ATXN10: variants seen among roughly 807,000 people sequenced by gnomAD.
ATXN10 encodes the protein ataxin-10.
ATXN10 carries 28 observed loss-of-function variants against 52.9 expected under a neutral mutation model. That is an observed-to-expected ratio of 0.53 (90% confidence interval 0.39 to 0.73). ATXN10 has a LOEUF of 0.73. Ranked by LOEUF, ATXN10 falls within the 30% of genes least tolerant of loss-of-function variation. The pLI, the probability that ATXN10 is intolerant of heterozygous loss-of-function variation, is 0.00. For missense variants in ATXN10, 565 were observed against 577.0 expected, an observed-to-expected ratio of 0.98 and a Z score of 0.21; for synonymous variants, 226 against 221.5, an observed-to-expected ratio of 1.02 and a Z score of -0.18.
chr22:45,830,873 A>G (rs1261552844), intron 10 of ATXN10, among the ~76,000 whole-genome samples: 1 of 152,216 alleles, frequency 6.6e-6, no homozygotes, highest in Non-Finnish European at 1.5e-5. Flanking sequence ...TATATACCCG[A>G]AAGAATTGAG....
intron 9 of ATXN10, among the ~76,000 whole-genome samples, chr22:45,746,127 A>G (rs1364041994): frequency 2.0e-5 from 3 of 151,990 alleles, no homozygotes; most frequent in Admixed American, 2.0e-4. Flanking sequence ...TTTAAATCCT[A>G]GGTTTAGGCT....
intron 4 of ATXN10, among the ~76,000 whole-genome samples, chr22:45,700,916 A>C (rs1923817921): frequency 6.6e-6 from 1 of 152,182 alleles, no homozygotes; most frequent in Non-Finnish European, 1.5e-5. Flanking sequence ...TCAGTGTAAG[A>C]TGTGGGTAAC....
intron 10 of ATXN10, among the ~76,000 whole-genome samples, chr22:45,836,859 T>C (rs1929183724): frequency 6.6e-6 from 1 of 152,200 alleles, no homozygotes; most frequent in African/African-American, 2.4e-5. Context: ...TGAAGCATCT[T>C]CATCTAGGAA....
At chr22:45,813,962 G>A (rs1420916090) in intron 10 of ATXN10, among the ~76,000 whole-genome samples, 1 of 152,206 alleles carries the variant, frequency 6.6e-6, no homozygotes, top group Non-Finnish European at 1.5e-5. Flanking sequence ...ACTGAGAAAA[G>A]GATGGTTTTT....
rs1032315134 is a variant in ATXN10 at position 45,818,581 on chromosome 22, C to T, written c.1237+11559C>T. 2.0e-4 allele frequency among the ~76,000 whole-genome samples: 30 copies of T among 152,138 alleles called. No individual in the cohort carries two copies. Among genetic ancestry groups the T allele is most frequent in the Non-Finnish European group, 3.8e-4 (26 of 68,020 alleles). Reference sequence around the variant, plus strand: ...TTTTTGGTTTGAAGGTGACCACCCTCGCTTTCAGCGGACCGGGGCAGGGAT... The same window carrying T: ...TTTTTGGTTTGAAGGTGACCACCCTTGCTTTCAGCGGACCGGGGCAGGGAT... On this transcript the variant is annotated intron_variant, in intron 10 of 11. Transcript: ENST00000252934. This position sits in a 1 kb window ranked among gnomAD's most constrained non-coding sequence, Gnocchi z 4.6.
intron 7 of ATXN10, among the ~76,000 whole-genome samples, chr22:45,731,217 A>C (rs1193615197): frequency 1.3e-5 from 2 of 152,216 alleles, no homozygotes; most frequent in African/African-American, 4.8e-5. Flanking sequence ...GTGCTGAGGG[A>C]GAGAAGCCAG....
In ATXN10 at chr22:45,790,617, C is replaced by CTCAGTAATTTCTTGGATCTTGCTG. The variant is rs1311559182; in HGVS notation, c.1174-16332_1174-16309dup. ...GGGCTACACATTTGGGAGCAATCTC[C>CTCAGTAATTTCTTGGATCTTGCTG]TCAGTAATTTCTTGGATCTTGCTGT... On this transcript the variant is annotated intron_variant, in intron 9 of 11. Transcript: ENST00000252934. This position sits in a 1 kb window ranked among gnomAD's most constrained non-coding sequence, Gnocchi z 4.7. Among the ~76,000 whole-genome samples the CTCAGTAATTTCTTGGATCTTGCTG allele has an allele frequency of 6.6e-6, 1 of 152,168 alleles. No individual in the cohort carries two copies. The highest frequency in any genetic ancestry group is 2.4e-5 in the African/African-American group (1 of 41,446).
intron 10 of ATXN10, among the ~76,000 whole-genome samples, chr22:45,834,580 A>G (rs1206046542): frequency 6.6e-6 from 1 of 152,220 alleles, no homozygotes; most frequent in Non-Finnish European, 1.5e-5. Flanking sequence ...GTGTATCCAC[A>G]TGCATTTATT....
At chr22:45,779,513 G>C (rs1927072899) in intron 9 of ATXN10, among the ~76,000 whole-genome samples, 1 of 152,208 alleles carries the variant, frequency 6.6e-6, no homozygotes, top group Admixed American at 6.5e-5. Flanking sequence ...AGCGAGACTA[G>C]ACTTGCTGTT....
chr22:45,784,250 A>G lies in ATXN10; in HGVS notation c.1174-22709A>G, dbSNP rs1402617635. On this transcript the variant is annotated intron_variant, in intron 9 of 11. Coordinates refer to ENST00000252934, the MANE Select transcript of ATXN10 (RefSeq NM_013236.4). The surrounding 1 kb of genome is among the most constrained non-coding windows in gnomAD (Gnocchi z 4.2). ...CACTCATTAAGCTCCATGACTGTGA[A>G]CAAATTAACCCTTACAGATTTCATT... Among the ~76,000 whole-genome samples, 1 of 152,250 alleles carries G rather than the reference A, an allele frequency of 6.6e-6. No individual in the cohort carries two copies. The highest frequency in any genetic ancestry group is 1.5e-5 in the Non-Finnish European group (1 of 68,052).
chr22:45,814,519 G>A (rs1928393330), intron 10 of ATXN10, among the ~76,000 whole-genome samples: 1 of 152,248 alleles, frequency 6.6e-6, no homozygotes, highest in South Asian at 2.1e-4. Context: ...ATGGTGGGAT[G>A]TAAATAGGAA....
rs1478802893 is a variant in ATXN10, at chr22:45,696,106, C to T, written c.391+3028C>T. 6.6e-6 allele frequency among the ~76,000 whole-genome samples: 1 copy of T among 152,012 alleles called. No individual in the cohort carries two copies. Among genetic ancestry groups the T allele is most frequent in the Non-Finnish European group, 1.5e-5 (1 of 68,026 alleles). On this transcript the variant is annotated intron_variant, in intron 3 of 11. Coordinates refer to ENST00000252934, the MANE Select transcript of ATXN10 (RefSeq NM_013236.4). This position sits in a 1 kb window ranked among gnomAD's most constrained non-coding sequence, Gnocchi z 4.7. ...TTTGAGCATCAGTTTTTAAAATAAT[C>T]TCAAGAAATTGAAAGGATGTAGGAT...
intron 9 of ATXN10, among the ~76,000 whole-genome samples, chr22:45,741,026 T>C (rs1001662568): frequency 3.3e-5 from 5 of 152,256 alleles, no homozygotes; most frequent in Non-Finnish European, 7.4e-5. Context: ...GCAGAAGAGC[T>C]TAAAGGTAGT....
At position 45,735,179 on chromosome 22, in the gene ATXN10, A is replaced by C. The variant is rs758406831; in HGVS notation, c.895-3552A>C. Reference sequence around the variant, plus strand: ...TAGGCATGGGCCACCGTGCCCGGCCAGGTTGTATTTTAATATAAACATTTA... The same window carrying C: ...TAGGCATGGGCCACCGTGCCCGGCCCGGTTGTATTTTAATATAAACATTTA... On this transcript the variant is annotated intron_variant, in intron 7 of 11. Transcript: ENST00000252934. 6.3e-4 allele frequency among the ~76,000 whole-genome samples: 96 copies of C among 152,242 alleles called. 2 individuals carry two copies. Among genetic ancestry groups the C allele is most frequent in the Middle Eastern group, 3.4e-3 (1 of 294 alleles).
chr22:45,817,179 T>G (rs1387957065), intron 10 of ATXN10, among the ~76,000 whole-genome samples: 1 of 152,202 alleles, frequency 6.6e-6, no homozygotes, highest in African/African-American at 2.4e-5. Flanking sequence ...AGGGGCGGCC[T>G]CTCTTCCGCT....
chr22:45,813,598 G>C (rs1928360339), intron 10 of ATXN10, among the ~76,000 whole-genome samples: 1 of 151,976 alleles, frequency 6.6e-6, no homozygotes, highest in Non-Finnish European at 1.5e-5. Flanking sequence ...ACAGTGGCAA[G>C]GGCATCAGTC....
intron 7 of ATXN10, among the ~76,000 whole-genome samples, chr22:45,730,862 A>T (rs1925063550): frequency 6.6e-6 from 1 of 152,218 alleles, no homozygotes; most frequent in South Asian, 2.1e-4. Flanking sequence ...TGCTATGTAT[A>T]AGGATATCAC....
In ATXN10 at chr22:45,769,265, G is replaced by T. The variant is rs1926692582; in HGVS notation, c.1173+28727G>T. Among the ~76,000 whole-genome samples, 2 of 152,138 alleles carry T rather than the reference G, an allele frequency of 1.3e-5. No homozygotes were observed. The highest frequency in any genetic ancestry group is 4.2e-4 in the South Asian group (2 of 4,818). On this transcript the variant is annotated intron_variant, in intron 9 of 11. Transcript: ENST00000252934. This position sits in a 1 kb window ranked among gnomAD's most constrained non-coding sequence, Gnocchi z 4.2. ...GGCAGCTTTATCAAAAGAGTAACGT[G>T]TGCAGATGGGCGCCGTTCATCCCCT...
chr22:45,818,048 C>T lies in ATXN10; in HGVS notation c.1237+11026C>T, dbSNP rs1287869721. ...GCTTTCAGAAAAGAGACTTCCTTTC[C>T]TCGCTCAGGTATCTTGGCAGGTAGT... On this transcript the variant is annotated intron_variant, in intron 10 of 11. Transcript: ENST00000252934. The surrounding 1 kb of genome is among the most constrained non-coding windows in gnomAD (Gnocchi z 4.6). Among the ~76,000 whole-genome samples the T allele has an allele frequency of 6.6e-6, 1 of 152,212 alleles. No homozygotes were observed. Among genetic ancestry groups the T allele is most frequent in the Non-Finnish European group, 1.5e-5 (1 of 68,034 alleles).
Sources: allele counts gnomAD v4.1 joint callset (sites outside exome capture counted in the v4.1 genomes callset), GRCh38; gene constraint gnomAD v4.1.1; non-coding constraint Gnocchi (gnomAD v3.1); transcripts MANE v1.5; gene names NCBI Gene and HGNC (gene_info 2026-07-23, HGNC 2026-07-21).